Variants in DNAJC3 observed in about 807,000 individuals in gnomAD.
DNAJC3 encodes the protein DnaJ heat shock protein family (Hsp40) member C3.
A neutral mutation model predicts 68.6 loss-of-function variants in DNAJC3; 38 were observed. The ratio of observed to expected loss-of-function variants is 0.55; its 90% confidence interval spans 0.43 to 0.73. The LOEUF (loss-of-function observed/expected upper bound fraction) is 0.73, where lower values mean the gene tolerates loss of function less well. Ranked by LOEUF, DNAJC3 falls within the 30% of genes least tolerant of loss-of-function variation. The pLI, the probability that DNAJC3 is intolerant of heterozygous loss-of-function variation, is 0.00. For synonymous variants in DNAJC3, 203 were observed against 204.0 expected, an observed-to-expected ratio of 1.00 and a Z score of 0.04; for missense variants, 526 against 591.9, an observed-to-expected ratio of 0.89 and a Z score of 1.16.
chr13:95,716,626 A>T (rs1443028963), intron 2 of DNAJC3, among the ~76,000 whole-genome samples: 1 of 152,000 alleles, frequency 6.6e-6, no homozygotes, highest in Non-Finnish European at 1.5e-5. Context: ...GAAGTGGGGG[A>T]TGGAGTGGTA....
intron 7 of DNAJC3, 84 bp from the exon 8 acceptor site, chr13:95,763,559 C>A: frequency 7.6e-7 from 1 of 1,309,550 alleles, no homozygotes; most frequent in Non-Finnish European, 1.1e-6. Context: ...GATTAAGCAA[C>A]ACATGGTGAA....
chr13:95,698,627 T>C lies in DNAJC3; in HGVS notation c.83-10600T>C, dbSNP rs187787254. ...AGTGTTGTCTGTCTCCAGGCCACAG[T>C]GTAGCCGAGAGTCACAGTAAATGCC... On this transcript the variant is annotated intron_variant, in intron 1 of 11. Transcript: ENST00000602402. 3.2e-3 allele frequency among the ~76,000 whole-genome samples: 493 copies of C among 152,298 alleles called. 3 individuals are homozygous for C. The highest frequency in any genetic ancestry group is 0.011 in the African/African-American group (470 of 41,562).
At position 95,794,114 on chromosome 13, in the gene DNAJC3, A is replaced by G. The variant is rs1883886618; in HGVS notation, c.*3084A>G. ...TACAATGCCTTTCTCTTTAGTCAGTATTAAAAATCTTTTTTAAAGTATTGG... is the reference window on the plus strand; with the variant it reads ...TACAATGCCTTTCTCTTTAGTCAGTGTTAAAAATCTTTTTTAAAGTATTGG... On this transcript the variant is annotated 3_prime_UTR_variant, in exon 12 of 12. Coordinates refer to ENST00000602402, the MANE Select transcript of DNAJC3 (RefSeq NM_006260.5). 1 of 152,250 alleles carries G rather than the reference A, an allele frequency of 6.6e-6. No homozygotes were observed. Among genetic ancestry groups the G allele is most frequent in the Non-Finnish European group, 1.5e-5 (1 of 68,044 alleles). 9.4% of individuals were successfully genotyped at this position (152,250 alleles called of 1,614,324 possible).
chr13:95,689,892 G>C (rs558137912), intron 1 of DNAJC3, among the ~76,000 whole-genome samples: 1 of 151,790 alleles, frequency 6.6e-6, no homozygotes, highest in South Asian at 2.1e-4. Flanking sequence ...TCATGTACTT[G>C]TGTTGTTTTC....
intron 2 of DNAJC3, among the ~76,000 whole-genome samples, chr13:95,719,274 A>C (rs368146730): frequency 6.6e-6 from 1 of 152,342 alleles, no homozygotes; most frequent in East Asian, 1.9e-4. Flanking sequence ...TTTTGGCTGC[A>C]TGGAAGTTCT....
chr13:95,734,143 G>A (rs754895929), intron 4 of DNAJC3, among the ~76,000 whole-genome samples: 10 of 152,002 alleles, frequency 6.6e-5, no homozygotes, highest in Non-Finnish European at 1.3e-4. Context: ...AGTTTTATAC[G>A]GTGTGTTTTC....
intron 6 of DNAJC3, 135 bp from the exon 7 acceptor site, chr13:95,760,544 T>C (rs1882791046): frequency 1.8e-6 from 2 of 1,114,112 alleles, no homozygotes; most frequent in East Asian, 2.6e-5. Context: ...TAAATGTATA[T>C]AGTAAATTAT....
chr13:95,750,749 ATTCCACCCACCTCAGCCTCC>A (rs1173421068), intron 4 of DNAJC3, among the ~76,000 whole-genome samples: 1 of 151,872 alleles, frequency 6.6e-6, no homozygotes, highest in African/African-American at 2.4e-5. Flanking sequence ...GGCCTCCAGT[ATTCCACCCACCTCAGCCTCC>A]CAAAGTGCTG....
chr13:95,689,195 G>C (rs1566466861), intron 1 of DNAJC3, among the ~76,000 whole-genome samples: 1 of 149,480 alleles, frequency 6.7e-6, no homozygotes. Flanking sequence ...TTGTATGTCT[G>C]GTAAAAATTG....
chr13:95,727,667 A>C (rs1881575529), intron 4 of DNAJC3, among the ~76,000 whole-genome samples: 1 of 152,226 alleles, frequency 6.6e-6, no homozygotes, highest in Non-Finnish European at 1.5e-5. Flanking sequence ...ATTTATCCGT[A>C]GTGTAAAACT....
At chr13:95,779,862 G>A (rs188618210) in intron 9 of DNAJC3, among the ~76,000 whole-genome samples, 7 of 152,258 alleles carry the variant, frequency 4.6e-5, no homozygotes, top group Admixed American at 3.9e-4. Context: ...ACATTCATTA[G>A]ATAAGTTTTA....
chr13:95,723,931 A>G (rs1305870695), intron 3 of DNAJC3, among the ~76,000 whole-genome samples: 2 of 152,216 alleles, frequency 1.3e-5, no homozygotes, highest in Non-Finnish European at 2.9e-5. Flanking sequence ...GGAGGGACTC[A>G]TGAGGTAGAA....
intron 1 of DNAJC3, among the ~76,000 whole-genome samples, chr13:95,688,790 CTG>C (rs376213475): frequency 5.3e-5 from 8 of 152,262 alleles, no homozygotes; most frequent in African/African-American, 1.9e-4. Flanking sequence ...GTGTGAGCCA[CTG>C]TGCTCAGCCT....
At chr13:95,697,061 T>C (rs943506512) in intron 1 of DNAJC3, among the ~76,000 whole-genome samples, 1 of 152,226 alleles carries the variant, frequency 6.6e-6, no homozygotes, top group East Asian at 1.9e-4. Flanking sequence ...GTTCCTGTTA[T>C]AGTGTTGTTA....
chr13:95,729,141 C>CT (rs1189317190), intron 4 of DNAJC3, among the ~76,000 whole-genome samples: 6 of 151,914 alleles, frequency 3.9e-5, no homozygotes, highest in Non-Finnish European at 7.4e-5. Flanking sequence ...GATTTTAATT[C>CT]TTTTTTATGG....
intron 1 of DNAJC3, 130 bp downstream of exon 1, chr13:95,677,467 C>T (rs1162067441): frequency 2.1e-6 from 2 of 946,574 alleles, no homozygotes; most frequent in Admixed American, 4.0e-5. Flanking sequence ...AGCCCGCGGC[C>T]TGGCTTGGGC....
At chr13:95,683,140 CCT>C (rs1325624456) in intron 1 of DNAJC3, among the ~76,000 whole-genome samples, 2 of 152,084 alleles carry the variant, frequency 1.3e-5, no homozygotes, top group Non-Finnish European at 2.9e-5. Context: ...GCTTTTTTTC[CCT>C]CTCTCAAAAC....
In DNAJC3 at chr13:95,794,139, G is replaced by A. The variant is rs989216345; in HGVS notation, c.*3109G>A. ...ATTAAAAATCTTTTTTAAAGTATTG[G>A]TATGAAAACAAATTTTTGTTGCCCT... On this transcript the variant is annotated 3_prime_UTR_variant, in exon 12 of 12. Transcript: ENST00000602402. The A allele has an allele frequency of 6.6e-6, 1 of 152,062 alleles. No individual in the cohort carries two copies. The highest frequency in any genetic ancestry group is 1.5e-5 in the Non-Finnish European group (1 of 68,014). 9.4% of individuals were successfully genotyped at this position (152,062 alleles called of 1,614,324 possible).
chr13:95,700,385 G>A (rs1880552986), intron 1 of DNAJC3, among the ~76,000 whole-genome samples: 1 of 152,098 alleles, frequency 6.6e-6, no homozygotes, highest in Admixed American at 6.5e-5. Flanking sequence ...AATATGTTTT[G>A]GGATGGCATA....
Sources: gnomAD v4.1 joint callset for allele counts (sites outside exome capture counted in the v4.1 genomes callset) on GRCh38, gnomAD v4.1.1 for gene constraint, MANE v1.5 for transcripts, NCBI Gene and HGNC (gene_info 2026-07-23, HGNC 2026-07-21) for gene names.